Variants in ARHGEF10 observed in about 807,000 individuals in gnomAD.
The protein encoded by ARHGEF10 is Rho guanine nucleotide exchange factor 10, also known as Rho guanine nucleotide exchange factor (GEF) 10.
A neutral mutation model predicts 147.4 loss-of-function variants in ARHGEF10; 140 were observed. That is an observed-to-expected ratio of 0.95 (90% confidence interval 0.83 to 1.09). The LOEUF (loss-of-function observed/expected upper bound fraction) is 1.09. Among genes scored for constraint, ARHGEF10 ranks in the 50% least tolerant of loss-of-function variants. The pLI is 0.00. For missense variants in ARHGEF10, 2,222 were observed against 1,752.7 expected (o/e 1.27, Z -4.78); for synonymous variants, 902 against 695.8 (o/e 1.30, Z -4.67).
At chr8:1,840,777 G>A (rs1434479161) in intron 1 of ARHGEF10, among the ~76,000 whole-genome samples, 2 of 152,208 alleles carry the variant, frequency 1.3e-5, no homozygotes, top group Non-Finnish European at 2.9e-5. Context: ...GGATATGACA[G>A]CTTTCCCTCC....
At chr8:1,914,898 C>A (rs543315660) in intron 18 of ARHGEF10, among the ~76,000 whole-genome samples, 1 of 152,236 alleles carries the variant, frequency 6.6e-6, no homozygotes, top group African/African-American at 2.4e-5. Context: ...GCTTTCCACA[C>A]TGAATACCGT....
At chr8:1,891,315 T>A (rs1809507842) in intron 11 of ARHGEF10, among the ~76,000 whole-genome samples, 1 of 152,254 alleles carries the variant, frequency 6.6e-6, no homozygotes, top group Non-Finnish European at 1.5e-5. Context: ...GGGGTATTGA[T>A]GCTCTTTAAT....
chr8:1,860,839 G>A (rs1806070407), intron 4 of ARHGEF10, among the ~76,000 whole-genome samples: 1 of 152,154 alleles, frequency 6.6e-6, no homozygotes, highest in Non-Finnish European at 1.5e-5. Context: ...AGACTCCCTG[G>A]GGTCAAAGCG....
chr8:1,955,678 G>C (rs1183815091), intron 28 of ARHGEF10, among the ~76,000 whole-genome samples: 5 of 152,160 alleles, frequency 3.3e-5, no homozygotes, highest in African/African-American at 1.2e-4. Context: ...TGGGTAGCTA[G>C]GTGCTTCCTG....
chr8:1,876,340 G>A lies in ARHGEF10; in HGVS notation c.680-231G>A, dbSNP rs1807697917. 4 of 587,412 alleles carry A rather than the reference G, an allele frequency of 6.8e-6. No homozygotes were observed. In the Admixed American group the frequency reaches 8.8e-5, roughly 13 times the overall value. 36.4% of individuals were successfully genotyped at this position (587,412 alleles called of 1,614,324 possible). A position where few individuals can be genotyped will look rare whatever the true frequency, so the allele number is the denominator to read the frequency against. On this transcript the variant is annotated intron_variant, in intron 7 of 28. Transcript: ENST00000349830. ...GGGTACAGATGGGGCAGGGGCACTTGTGAGAAACACCTGAAGTGCTTTTCC... is the reference window on the plus strand; with the variant it reads ...GGGTACAGATGGGGCAGGGGCACTTATGAGAAACACCTGAAGTGCTTTTCC...
Position 1,924,788 on chromosome 8 carries a change from T to G in ARHGEF10, c.2489-495T>G, listed in dbSNP as rs564390633. Among the ~76,000 whole-genome samples the G allele has an allele frequency of 2.0e-5, 3 of 152,350 alleles. No individual in the cohort carries two copies. In the South Asian group the frequency reaches 6.2e-4, roughly 32 times the overall value. ...CGTGCAGATAAGCCCCCTTTCGTCT[T>G]CAGATCAGCTATATATTCTTTAATG... On this transcript the variant is annotated intron_variant, in intron 21 of 28. Coordinates refer to ENST00000349830, the MANE Select transcript of ARHGEF10 (RefSeq NM_014629.4).
chr8:1,890,674 G>C (rs1007541101), intron 11 of ARHGEF10, among the ~76,000 whole-genome samples: 2 of 151,658 alleles, frequency 1.3e-5, no homozygotes, highest in Non-Finnish European at 2.9e-5. Context: ...GGTGTGAGGG[G>C]TCTGTGAGGA....
intron 1 of ARHGEF10, among the ~76,000 whole-genome samples, chr8:1,836,525 C>T (rs1389640709): frequency 1.3e-5 from 2 of 152,138 alleles, no homozygotes; most frequent in East Asian, 1.9e-4. Context: ...AGGCTCTAGA[C>T]CCCCGGGCTT....
At chr8:1,863,126 G>A (rs148237282) in intron 4 of ARHGEF10, among the ~76,000 whole-genome samples, 1 of 152,156 alleles carries the variant, frequency 6.6e-6, no homozygotes, top group Admixed American at 6.5e-5. Flanking sequence ...AGTGTGGGAA[G>A]GGCAGTTTTT....
chr8:1,872,808 C>T (rs1807239361), intron 7 of ARHGEF10, among the ~76,000 whole-genome samples: 1 of 152,154 alleles, frequency 6.6e-6, no homozygotes, highest in African/African-American at 2.4e-5. Flanking sequence ...ATGTTTTGGG[C>T]AGTTACATAC....
intron 26 of ARHGEF10, among the ~76,000 whole-genome samples, chr8:1,935,673 T>G (rs1202488123): frequency 1.3e-5 from 2 of 152,208 alleles, no homozygotes; most frequent in Admixed American, 6.5e-5. Flanking sequence ...AGAGAAATCC[T>G]CTCTACAGAG....
At position 1,824,023 on chromosome 8, in the gene ARHGEF10, G is replaced by A. The variant is rs1188730164; in HGVS notation, c.-138G>A. 1 of 96,862 alleles carries A rather than the reference G, an allele frequency of 1.0e-5. No homozygotes were observed. The allele number at this position is 96,862 out of a possible 1,614,324, so 6.0% of individuals were successfully genotyped here. A position where few individuals can be genotyped will look rare whatever the true frequency, so the allele number is the denominator to read the frequency against. On this transcript the variant is annotated 5_prime_UTR_variant, in exon 1 of 29. Transcript: ENST00000349830. ...ACGCGGGGGACGGCGGGGAACGGCG[G>A]GGGACGGCGGGGAACAGCGGGGGAC...
chr8:1,839,518 GCTGTCCGATATGGGGA>G (rs1282668990), intron 1 of ARHGEF10, among the ~76,000 whole-genome samples: 6 of 124,524 alleles, frequency 4.8e-5, no homozygotes, highest in East Asian at 2.9e-4. Context: ...CGGTGTGGAA[GCTGTCCGATATGGGGA>G]CTGTCTGGTG....
intron 8 of ARHGEF10, 113 bp downstream of exon 8, chr8:1,876,847 A>AT: frequency 8.0e-7 from 1 of 1,247,216 alleles, no homozygotes; most frequent in Non-Finnish European, 1.2e-6. Flanking sequence ...TAAGATGCTG[A>AT]TAAGTAGTTT....
At chr8:1,900,991 C>T (rs1254202396) in intron 15 of ARHGEF10, among the ~76,000 whole-genome samples, 4 of 151,966 alleles carry the variant, frequency 2.6e-5, no homozygotes, top group Admixed American at 1.3e-4. Flanking sequence ...CACTTTTTGC[C>T]CACATTTGAT....
chr8:1,892,429 C>T (rs1410851418), intron 11 of ARHGEF10, among the ~76,000 whole-genome samples: 3 of 151,686 alleles, frequency 2.0e-5, no homozygotes, highest in South Asian at 2.1e-4. Context: ...TTGTCTTTTG[C>T]GAATAGAATA....
At chr8:1,909,865 C>T (rs549437876) in intron 18 of ARHGEF10, among the ~76,000 whole-genome samples, 5 of 152,190 alleles carry the variant, frequency 3.3e-5, no homozygotes, top group South Asian at 4.2e-4. Flanking sequence ...GGTTCCAGCT[C>T]GGCTCTTTGC....
Position 1,952,783 on chromosome 8 carries a change from T to C in ARHGEF10, c.3476T>C (p.Val1159Ala). Residue 1159 changes from valine (V) to alanine (A), a missense_variant, in exon 28 of 29, where the codon GTG (valine) becomes GCG (alanine). Physicochemically the swap from Val to Ala is moderately conservative, Grantham distance 64. Coordinates refer to ENST00000349830, the MANE Select transcript of ARHGEF10 (RefSeq NM_014629.4). The stretch of plus-strand genomic sequence containing the variant: ...GTCGGCACCAGCCTGGGAGTCCTCG[T>C]GGCCCTGCCGGTCCCACGTCTGCAA... ...LMVGTSLGVL[V>A]ALPVPRLQGI... 1 of 1,613,670 alleles carries C rather than the reference T, an allele frequency of 6.2e-7. No homozygotes were observed. The highest frequency in any genetic ancestry group is 8.5e-7 in the Non-Finnish European group (1 of 1,180,042).
chr8:1,909,377 G>C lies in ARHGEF10; in HGVS notation c.2050G>C (p.Glu684Gln). The C allele has an allele frequency of 1.2e-6, 2 of 1,614,166 alleles. No homozygotes were observed. Among genetic ancestry groups the C allele is most frequent in the Non-Finnish European group, 8.5e-7 (1 of 1,180,038 alleles). ...TCCACTGGGACATGTGGACGCCATC[G>C]AGTATGGCAGCAGCGCAGGCACGGG... ...SVPLGHVDAIEYGSSAGTGEH... is the reference protein window; with the variant it reads ...SVPLGHVDAIQYGSSAGTGEH... The change falls in exon 18 of 29, where the codon GAG becomes CAG. Residue 684 changes from glutamate (E) to glutamine (Q), a missense_variant. By Grantham distance (29) the Glu-to-Gln change is conservative. Coordinates refer to ENST00000349830, the MANE Select transcript of ARHGEF10 (RefSeq NM_014629.4).
Sources: allele counts gnomAD v4.1 joint callset (sites outside exome capture counted in the v4.1 genomes callset), GRCh38; gene constraint gnomAD v4.1.1; transcripts MANE v1.5; gene names NCBI Gene and HGNC (gene_info 2026-07-23, HGNC 2026-07-21).